The following GTF2E2 variants were observed in gnomAD, a reference collection of about 807,000 sequenced individuals.
GTF2E2 encodes the protein general transcription factor IIE subunit 2.
Under a neutral mutation model 40.5 loss-of-function variants are expected in GTF2E2, and 21 were observed. The ratio of observed to expected loss-of-function variants is 0.52; its 90% CI spans 0.37 to 0.75. The LOEUF is 0.75. Ranked by LOEUF, GTF2E2 falls within the 30% of genes least tolerant of loss-of-function variation. GTF2E2 has a pLI of 0.00. For missense variants in GTF2E2, 298 were observed against 338.4 expected, an observed-to-expected ratio of 0.88 and a Z score of 0.94; for synonymous variants, 117 against 121.6, an observed-to-expected ratio of 0.96 and a Z score of 0.25.
chr8:30,612,585 G>GAT, intron 4 of GTF2E2, 104 bp from the exon 5 acceptor site: 2 of 646,636 alleles, frequency 3.1e-6, no homozygotes, highest in Non-Finnish European at 4.9e-6. Context: ...GGAGTGCAGT[G>GAT]GCGTGATCTC....
rs578236850 is a variant in GTF2E2 at position 30,603,260 on chromosome 8, G to C, written c.643+3797C>G. ...ACAAGGGAATAAAAAGACAACAGAGGATAAGAGAATGAAAATAAATTATAC... is the reference window on the plus strand; with the variant it reads ...ACAAGGGAATAAAAAGACAACAGAGCATAAGAGAATGAAAATAAATTATAC... On this transcript the variant is annotated intron_variant, in intron 6 of 7. Transcript: ENST00000355904. 4.6e-5 allele frequency among the ~76,000 whole-genome samples: 7 copies of C among 152,226 alleles called. No individual in the cohort carries two copies. The South Asian group carries it at 1.5e-3, about 32-fold the overall frequency.
intron 2 of GTF2E2, among the ~76,000 whole-genome samples, chr8:30,652,869 A>G (rs752708236): frequency 3.9e-5 from 6 of 152,244 alleles, no homozygotes; most frequent in Non-Finnish European, 7.3e-5. Context: ...ACTATGGAAT[A>G]CGCTTTACCA....
intron 5 of GTF2E2, among the ~76,000 whole-genome samples, chr8:30,610,663 T>A (rs188916038): frequency 6.6e-6 from 1 of 152,044 alleles, no homozygotes; most frequent in Non-Finnish European, 1.5e-5. Flanking sequence ...AGGAATAAAG[T>A]TGGACTCTTA....
chr8:30,638,707 C>A (rs1453906975), intron 2 of GTF2E2: 4 of 152,342 alleles, frequency 2.6e-5, no homozygotes, highest in African/African-American at 9.7e-5. Flanking sequence ...AATATTTTAC[C>A]CTGAAAAATC....
At chr8:30,609,343 G>T (rs1432765713) in intron 5 of GTF2E2, among the ~76,000 whole-genome samples, 1 of 53,514 alleles carries the variant, frequency 1.9e-5, no homozygotes, top group Non-Finnish European at 3.8e-5. Context: ...TTCAACTCTG[G>T]AATGTTTAAA....
intron 3 of GTF2E2, among the ~76,000 whole-genome samples, chr8:30,625,204 G>GT (rs897946558): frequency 1.9e-4 from 29 of 151,232 alleles, no homozygotes; most frequent in East Asian, 9.7e-4. Flanking sequence ...TTTATTGAGG[G>GT]TTTTTTTTTA....
At chr8:30,606,389 T>C (rs1243184752) in intron 6 of GTF2E2, among the ~76,000 whole-genome samples, 5 of 152,212 alleles carry the variant, frequency 3.3e-5, no homozygotes, top group Non-Finnish European at 5.9e-5. Flanking sequence ...GATGTCCAAT[T>C]ATTTTCCTGC....
chr8:30,649,135 C>A (rs192063506), intron 2 of GTF2E2, among the ~76,000 whole-genome samples: 1 of 151,908 alleles, frequency 6.6e-6, no homozygotes, highest in Non-Finnish European at 1.5e-5. Flanking sequence ...TTCATTGGAA[C>A]GACATATAAA....
At chr8:30,637,978 C>G (rs1585993067) in intron 2 of GTF2E2, among the ~76,000 whole-genome samples, 1 of 152,300 alleles carries the variant, frequency 6.6e-6, no homozygotes, top group Admixed American at 6.5e-5. Context: ...CTCTAAAGAG[C>G]CAACCTGGAG....
At chr8:30,625,609 GTTGTTTT>G (rs984896476) in intron 3 of GTF2E2, among the ~76,000 whole-genome samples, 2 of 151,996 alleles carry the variant, frequency 1.3e-5, no homozygotes, top group African/African-American at 4.8e-5. Flanking sequence ...GGCACTGTCT[GTTGTTTT>G]TTGTTTTTTG....
chr8:30,606,922 T>TGG (rs1362104650), intron 6 of GTF2E2, 135 bp downstream of exon 6: 1 of 435,244 alleles, frequency 2.3e-6, no homozygotes, highest in Non-Finnish European at 4.1e-6. Flanking sequence ...CAGGGGCCAC[T>TGG]GGCTGTGTTC....
chr8:30,653,542 A>T lies in GTF2E2; in HGVS notation c.57T>A (p.Thr19=). Residue 19 remains threonine, a synonymous_variant, in exon 2 of 8, where the codon ACT becomes ACA. Transcript: ENST00000355904. ...RELFKKRALS[T]PVVEKRSASS... is the part of the protein sequence containing the mutation. ...ATGCTGAACGTTTTTCTACTACAGG[A>T]GTAGAAAGAGCTCGTTTTTTGAACA... 1 of 1,613,192 alleles carries T rather than the reference A, an allele frequency of 6.2e-7. No homozygotes were observed. Among genetic ancestry groups the T allele is most frequent in the Non-Finnish European group, 8.5e-7 (1 of 1,179,190 alleles).
At chr8:30,593,488 T>A (rs1211505194) in intron 6 of GTF2E2, among the ~76,000 whole-genome samples, 1 of 152,206 alleles carries the variant, frequency 6.6e-6, no homozygotes, top group African/African-American at 2.4e-5. Context: ...CTTTTACCAT[T>A]ATGTAACGTC....
At chr8:30,599,852 A>G (rs574787871) in intron 6 of GTF2E2, among the ~76,000 whole-genome samples, 5 of 152,058 alleles carry the variant, frequency 3.3e-5, no homozygotes, top group South Asian at 4.2e-4. Flanking sequence ...GCGTGGTGGC[A>G]CCCACCTGCA....
chr8:30,603,131 C>G (rs1368082349), intron 6 of GTF2E2, among the ~76,000 whole-genome samples: 1 of 152,150 alleles, frequency 6.6e-6, no homozygotes, highest in East Asian at 1.9e-4. Flanking sequence ...CTATATTTAG[C>G]AAAATGACTA....
chr8:30,597,287 G>A, intron 6 of GTF2E2: 1 of 152,320 alleles, frequency 6.6e-6, no homozygotes, highest in Non-Finnish European at 1.5e-5. Flanking sequence ...AGCAAAGAAG[G>A]GAAGAAGGAC....
intron 6 of GTF2E2, among the ~76,000 whole-genome samples, chr8:30,587,470 CAA>C (rs60625075): frequency 0.016 from 2,363 of 147,114 alleles, 21 homozygotes; most frequent in Non-Finnish European, 0.023. Flanking sequence ...AAAATAATAG[CAA>C]AAAAAAAAAA....
At chr8:30,622,709 GACCT>G (rs1215152477) in intron 3 of GTF2E2, among the ~76,000 whole-genome samples, 1 of 151,926 alleles carries the variant, frequency 6.6e-6, no homozygotes, top group Non-Finnish European at 1.5e-5. Context: ...GCCGTCTACA[GACCT>G]ACCCCCAGGC....
chr8:30,647,766 T>C (rs1802144555), intron 2 of GTF2E2, among the ~76,000 whole-genome samples: 1 of 152,258 alleles, frequency 6.6e-6, no homozygotes, highest in Admixed American at 6.5e-5. Flanking sequence ...ATATACATTT[T>C]CACAAACGTT....
Sources: allele counts gnomAD v4.1 joint callset (sites outside exome capture counted in the v4.1 genomes callset), GRCh38; gene constraint gnomAD v4.1.1; transcripts MANE v1.5; gene names NCBI Gene and HGNC (gene_info 2026-07-23, HGNC 2026-07-21).